The following ALMS1 variants were observed in gnomAD, a reference collection of about 807,000 sequenced individuals.
ALMS1 encodes ALMS1 centrosome and basal body associated protein.
Under a neutral mutation model 352.2 loss-of-function variants are expected in ALMS1, and 271 were observed. The ratio of observed to expected loss-of-function variants is 0.77; its 90% CI spans 0.70 to 0.85. ALMS1 has a LOEUF of 0.85. ALMS1 is among the 40% of genes least tolerant of loss of function. The probability of loss-of-function intolerance (pLI) is 0.00; values close to 1 mark genes in which losing one functional copy is unlikely to be tolerated. For missense variants in ALMS1, 5,445 were observed against 4,870.7 expected (o/e 1.12, Z -3.51); for synonymous variants, 1,865 against 1,761.2 (o/e 1.06, Z -1.48).
At chr2:73,470,135 C>A (rs963850759) in intron 9 of ALMS1, 2 of 151,522 alleles carry the variant, frequency 1.3e-5, no homozygotes, top group African/African-American at 4.8e-5. Context: ...ATTGTTTTTA[C>A]CTTTTCAAAA....
At chr2:73,496,207 A>T (rs1558669582) in intron 10 of ALMS1, among the ~76,000 whole-genome samples, 1 of 152,110 alleles carries the variant, frequency 6.6e-6, no homozygotes. Context: ...CAGTTCCATC[A>T]ATCCCCAAAT....
At position 73,424,668 on chromosome 2, in the gene ALMS1, G is replaced by A. The variant is rs779002116; in HGVS notation, c.1003G>A (p.Asp335Asn). 6.2e-7 allele frequency: 1 copy of A among 1,614,086 alleles called. No individual in the cohort carries two copies. The highest frequency in any genetic ancestry group is 1.7e-5 in the Admixed American group (1 of 59,982). ...SSVDELKIPK[D>N]CDRYDDLCSY... Reference sequence around the variant, plus strand: ...TGTTGATGAACTGAAAATTCCCAAAGACTGTGATCGTTATGATGATCTTTG... The same window carrying A: ...TGTTGATGAACTGAAAATTCCCAAAAACTGTGATCGTTATGATGATCTTTG... Residue 335 changes from aspartate (D) to asparagine (N), a missense_variant, in exon 5 of 23, where the codon GAC becomes AAC. Asp to Asn is a conservative substitution (Grantham distance 23, BLOSUM62 1). Transcript: ENST00000613296.
chr2:73,602,781 C>T (rs1469112606), intron 20 of ALMS1, among the ~76,000 whole-genome samples: 4 of 152,262 alleles, frequency 2.6e-5, no homozygotes, highest in African/African-American at 7.2e-5. Flanking sequence ...TCAGTAGGTA[C>T]TATTAATATA....
chr2:73,481,258 G>A (rs929661493), intron 9 of ALMS1, among the ~76,000 whole-genome samples: 3 of 152,162 alleles, frequency 2.0e-5, no homozygotes, highest in Non-Finnish European at 4.4e-5. Flanking sequence ...TTTGTATACG[G>A]TGTAAGGAAG....
chr2:73,556,375 G>C (rs1051597458), intron 13 of ALMS1, among the ~76,000 whole-genome samples: 1 of 151,740 alleles, frequency 6.6e-6, no homozygotes, highest in Non-Finnish European at 1.5e-5. Flanking sequence ...TATACTTACA[G>C]ATAAAAAAAT....
At chr2:73,600,312 C>G (rs930613294) in intron 17 of ALMS1, among the ~76,000 whole-genome samples, 3 of 152,200 alleles carry the variant, frequency 2.0e-5, no homozygotes, top group African/African-American at 7.2e-5. Context: ...TTCTTCCCCT[C>G]AAATCCTGTC....
At position 73,423,096 on chromosome 2, in the gene ALMS1, T is replaced by C; in HGVS notation, c.764+122T>C. The C allele has an allele frequency of 3.5e-6, 3 of 848,638 alleles. No individual in the cohort carries two copies. The South Asian group carries it at 4.1e-5, about 12-fold the overall frequency. The allele number at this position is 848,638 out of a possible 1,614,324, so 52.6% of individuals were successfully genotyped here. On this transcript the variant is annotated intron_variant, in intron 4 of 22. Coordinates refer to ENST00000613296, the MANE Select transcript of ALMS1 (RefSeq NM_001378454.1). ...GCTTAGATACTCTTAGGACACGCCC[T>C]GAAGGTAACAAAGTCCTGTACTAAG...
rs545488125 is a variant in ALMS1 at position 73,452,288 on chromosome 2, T to C, written c.5761T>C (p.Phe1921Leu). The change falls in exon 8 of 23, where the codon TTT becomes CTT. Residue 1921 changes from phenylalanine to leucine, a missense_variant. Coordinates refer to ENST00000613296, the MANE Select transcript of ALMS1 (RefSeq NM_001378454.1). ...PDVTEEALNV[F>L]VVPGQGDRKT... ...TGTTACTGAAGAAGCTTTAAATGTT[T>C]TTGTTGTTCCTGGACAAGGTGACCG... The C allele has an allele frequency of 6.2e-7, 1 of 1,614,014 alleles. No individual in the cohort carries two copies. The highest frequency in any genetic ancestry group is 2.2e-5 in the East Asian group (1 of 44,872).
At chr2:73,604,319 G>A (rs567396426) in intron 21 of ALMS1, among the ~76,000 whole-genome samples, 2 of 152,256 alleles carry the variant, frequency 1.3e-5, no homozygotes, top group East Asian at 3.9e-4. Context: ...AATCTCTTAA[G>A]CCCAGGAATT....
chr2:73,520,112 A>C (rs1673646870), intron 11 of ALMS1, 96 bp downstream of exon 11: 1 of 1,508,774 alleles, frequency 6.6e-7, no homozygotes, highest in Non-Finnish European at 9.2e-7. Context: ...CAGAAAACCT[A>C]ATTTTAATTT....
intron 9 of ALMS1, among the ~76,000 whole-genome samples, chr2:73,466,414 C>G (rs1046272587): frequency 1.4e-5 from 2 of 142,838 alleles, no homozygotes; most frequent in African/African-American, 5.3e-5. Flanking sequence ...TGTTCTCACT[C>G]ATAGGTGGGA....
chr2:73,592,248 A>G (rs560307283), intron 16 of ALMS1, among the ~76,000 whole-genome samples: 1 of 152,346 alleles, frequency 6.6e-6, no homozygotes, highest in Non-Finnish European at 1.5e-5. Flanking sequence ...AGAAATAGAT[A>G]ACTAGTTCTA....
chr2:73,561,029 C>T (rs563484806), intron 15 of ALMS1, among the ~76,000 whole-genome samples: 2 of 152,300 alleles, frequency 1.3e-5, no homozygotes, highest in Admixed American at 1.3e-4. Context: ...CTTACAGTGG[C>T]GTGAAAGCGG....
Position 73,388,617 on chromosome 2 carries a change from G to C in ALMS1, c.324+2425G>C, listed in dbSNP as rs190362667. On this transcript the variant is annotated intron_variant, in intron 1 of 22. Transcript: ENST00000613296. ...GTTTCACTTGATAAATAGCCTCCAGGCTCCATCCATGTTGCTGCAAAGGAC... is the reference window on the plus strand; with the variant it reads ...GTTTCACTTGATAAATAGCCTCCAGCCTCCATCCATGTTGCTGCAAAGGAC... Among the ~76,000 whole-genome samples, 873 of 152,176 alleles carry C rather than the reference G, an allele frequency of 5.7e-3. 4 individuals carry two copies. Among genetic ancestry groups the C allele is most frequent in the Non-Finnish European group, 8.3e-3 (563 of 68,012 alleles).
chr2:73,513,953 A>G (rs571718652), intron 10 of ALMS1, among the ~76,000 whole-genome samples: 25 of 152,090 alleles, frequency 1.6e-4, no homozygotes, highest in African/African-American at 6.0e-4. Flanking sequence ...TGTTCTGCCT[A>G]CCTAATGGTT....
intron 1 of ALMS1, 122 bp downstream of exon 1, chr2:73,386,314 A>G (rs1381789466): frequency 1.3e-5 from 17 of 1,344,698 alleles, no homozygotes; most frequent in African/African-American, 4.6e-5. Context: ...AGCTGAGGCT[A>G]GTAGGCGGCC....
rs562291419 is a variant in ALMS1, at chr2:73,521,533, G to A, written c.9781+1517G>A. Among the ~76,000 whole-genome samples the A allele has an allele frequency of 1.7e-4, 25 of 147,654 alleles. No homozygotes were observed. The South Asian group carries it at 2.6e-3, about 15-fold the overall frequency. On this transcript the variant is annotated intron_variant, in intron 11 of 22. Coordinates refer to ENST00000613296, the MANE Select transcript of ALMS1 (RefSeq NM_001378454.1). ...GGGCAGATCACGAGGTCAGGAGATC[G>A]AGACCGTCCTGGCTAACACAATGAA...
intron 19 of ALMS1, among the ~76,000 whole-genome samples, chr2:73,601,697 C>T (rs1185248262): frequency 2.0e-5 from 3 of 152,218 alleles, no homozygotes; most frequent in Non-Finnish European, 4.4e-5. Flanking sequence ...TGCATCTCTG[C>T]TTATTGGGCC....
intron 16 of ALMS1, among the ~76,000 whole-genome samples, chr2:73,581,437 GGCTGCCGTCTTTAAGACCACCAT>G (rs1464909851): frequency 6.6e-6 from 1 of 152,174 alleles, no homozygotes; most frequent in African/African-American, 2.4e-5. Flanking sequence ...CAGGACCAAG[GGCTGCCGTCTTTAAGACCACCAT>G]GCTGGGTAAG....
Sources: allele counts gnomAD v4.1 joint callset (sites outside exome capture counted in the v4.1 genomes callset), GRCh38; gene constraint gnomAD v4.1.1; transcripts MANE v1.5; gene names NCBI Gene and HGNC (gene_info 2026-07-23, HGNC 2026-07-21).